The following KMT2C variants were observed in gnomAD, a reference collection of about 807,000 sequenced individuals.
KMT2C encodes histone-lysine N-methyltransferase 2C.
KMT2C carries 88 observed loss-of-function variants against 507.9 expected under a neutral mutation model. The ratio of observed to expected loss-of-function variants is 0.17; its 90% CI spans 0.15 to 0.21. The LOEUF (loss-of-function observed/expected upper bound fraction) is 0.21. Ranked by LOEUF, KMT2C falls within the 10% of genes least tolerant of loss-of-function variation. KMT2C has a pLI of 1.00. For missense variants in KMT2C, 4,954 were observed against 5,957.8 expected (o/e 0.83, Z 5.55); for synonymous variants, 2,049 against 2,080.8 (o/e 0.98, Z 0.42).
At chr7:152,295,224 T>C (rs1339963439) in intron 6 of KMT2C, among the ~76,000 whole-genome samples, 1 of 152,242 alleles carries the variant, frequency 6.6e-6, no homozygotes, top group African/African-American at 2.4e-5. Flanking sequence ...AATATGTTTG[T>C]CTTCAAGTAA....
rs1195125465 is a variant in KMT2C at position 152,391,142 on chromosome 7, C to CAA, written c.162-32469_162-32468dup. Among the ~76,000 whole-genome samples the CAA allele has an allele frequency of 6.0e-3, 209 of 34,724 alleles. 34 individuals carry two copies. Among genetic ancestry groups the CAA allele is most frequent in the African/African-American group, 0.014 (134 of 9,506 alleles). 22.8% of individuals were successfully genotyped at this position (34,724 alleles called of 152,430 possible). A position where few individuals can be genotyped will look rare whatever the true frequency, so the allele number is the denominator to read the frequency against. On this transcript the variant is annotated intron_variant, in intron 1 of 58. Transcript: ENST00000262189. ...CTGGGCGACAGAGTGAGACTGTCTCCAAAAAAAAAAAAAAAAAAAAAAAAA... is the reference window on the plus strand; with the variant it reads ...CTGGGCGACAGAGTGAGACTGTCTCCAAAAAAAAAAAAAAAAAAAAAAAAAAA...
intron 2 of KMT2C, among the ~76,000 whole-genome samples, chr7:152,335,833 G>A (rs932816201): frequency 6.6e-6 from 1 of 152,138 alleles, no homozygotes; most frequent in African/African-American, 2.4e-5. Flanking sequence ...TTGGCCAGTA[G>A]GTTTGCAGGT....
chr7:152,202,268 A>C (rs1462176174), intron 26 of KMT2C, among the ~76,000 whole-genome samples: 1 of 152,182 alleles, frequency 6.6e-6, no homozygotes, highest in Non-Finnish European at 1.5e-5. Flanking sequence ...AGGAATTTAC[A>C]ATTAGTTAGA....
At position 152,174,147 on chromosome 7, in the gene KMT2C, G is replaced by C. The variant is rs1172944883; in HGVS notation, c.9358C>G (p.Pro3120Ala). Residue 3120 changes from proline (P) to alanine (A), a missense_variant, in exon 39 of 59, where the codon CCA becomes GCA. This residue lies in a region of KMT2C where 1,689 missense variants were observed against 1,654.3 expected (regional missense o/e 1.02). Transcript: ENST00000262189. Reference protein sequence around the residue: ...VMAQNNLGMPPMVMSRFPFMG... With the variant: ...VMAQNNLGMPAMVMSRFPFMG... ...TCCACCTACCTGCTCATCACCATTGGTGGCATGCCCAGATTGTTTTGTGCC... is the reference window on the plus strand; with the variant it reads ...TCCACCTACCTGCTCATCACCATTGCTGGCATGCCCAGATTGTTTTGTGCC... 6.2e-7 allele frequency: 1 copy of C among 1,602,166 alleles called. No homozygotes were observed. The highest frequency in any genetic ancestry group is 8.5e-7 in the Non-Finnish European group (1 of 1,172,346).
At chr7:152,184,072 CAAAA>C (rs555445009) in intron 34 of KMT2C, among the ~76,000 whole-genome samples, 1 of 49,432 alleles carries the variant, frequency 2.0e-5, no homozygotes, top group Non-Finnish European at 3.8e-5. Context: ...AGCTCCATCT[CAAAA>C]AAAAAAAAAA....
In KMT2C at chr7:152,177,336, C is replaced by T. The variant is rs1452053695; in HGVS notation, c.8117G>A (p.Gly2706Glu). 2 of 1,614,108 alleles carry T rather than the reference C, an allele frequency of 1.2e-6. No individual in the cohort carries two copies. The highest frequency in any genetic ancestry group is 2.2e-5 in the East Asian group (1 of 44,882). The change falls in exon 38 of 59, where the codon GGG becomes GAG. Residue 2706 changes from glycine to glutamate, a missense_variant. Physicochemically the swap from Gly to Glu is moderately conservative, Grantham distance 98. Around this residue, in one of 29 missense-constraint regions of KMT2C, gnomAD observed 1,689 missense variants for 1,654.3 expected, o/e 1.02. Transcript: ENST00000262189. ...VKELDVKDLEGVEVKDLDDED... is the reference protein window; with the variant it reads ...VKELDVKDLEEVEVKDLDDED... Reference sequence around the variant, plus strand: ...ATCATCTAAGTCTTTGACTTCAACCCCCTCAAGGTCTTTAACATCCAGTTC... The same window carrying T: ...ATCATCTAAGTCTTTGACTTCAACCTCCTCAAGGTCTTTAACATCCAGTTC...
At chr7:152,419,259 G>A (rs1290617037) in intron 1 of KMT2C, among the ~76,000 whole-genome samples, 1 of 152,078 alleles carries the variant, frequency 6.6e-6, no homozygotes, top group African/African-American at 2.4e-5. Flanking sequence ...GCTGAGGCAG[G>A]AGAATCACTT....
intron 3 of KMT2C, among the ~76,000 whole-genome samples, chr7:152,326,331 A>G (rs1313718206): frequency 6.6e-6 from 1 of 152,196 alleles, no homozygotes; most frequent in East Asian, 1.9e-4. Flanking sequence ...TACTGCTATT[A>G]TGTCTGTGAT....
At chr7:152,188,516 C>A (rs1317823291) in intron 31 of KMT2C, among the ~76,000 whole-genome samples, 1 of 145,386 alleles carries the variant, frequency 6.9e-6, no homozygotes, top group Non-Finnish European at 1.5e-5. Context: ...TATTCTTTCT[C>A]TTCATTAAAA....
intron 51 of KMT2C, among the ~76,000 whole-genome samples, chr7:152,150,326 A>C (rs1454477917): frequency 6.6e-6 from 1 of 152,202 alleles, no homozygotes; most frequent in Non-Finnish European, 1.5e-5. Flanking sequence ...TTAAAATATT[A>C]AGATATTTAC....
chr7:152,212,226 G>T (rs2094471618), intron 23 of KMT2C, among the ~76,000 whole-genome samples: 1 of 152,128 alleles, frequency 6.6e-6, no homozygotes, highest in Non-Finnish European at 1.5e-5. Flanking sequence ...TCCAAGGAAG[G>T]GATGGTCAAA....
chr7:152,376,264 G>T (rs527563847), intron 1 of KMT2C, among the ~76,000 whole-genome samples: 5 of 152,030 alleles, frequency 3.3e-5, no homozygotes, highest in African/African-American at 1.2e-4. Context: ...CAACCATATT[G>T]AAATTAGGCC....
intron 1 of KMT2C, among the ~76,000 whole-genome samples, chr7:152,360,892 T>TA (rs1171889479): frequency 6.6e-6 from 1 of 151,798 alleles, no homozygotes; most frequent in Admixed American, 6.6e-5. Flanking sequence ...TAAATGGTTT[T>TA]ATAATTAAAC....
rs2129094129 is a variant in KMT2C at position 152,146,802 on chromosome 7, G to A, written c.13895-67C>T. 5 of 1,356,738 alleles carry A rather than the reference G, an allele frequency of 3.7e-6. No individual in the cohort carries two copies. In the Middle Eastern group the frequency reaches 5.5e-4, roughly 150 times the overall value. The allele number at this position is 1,356,738 out of a possible 1,614,324, so 84.0% of individuals were successfully genotyped here. A position where few individuals can be genotyped will look rare whatever the true frequency, so the allele number is the denominator to read the frequency against. Reference sequence around the variant, plus strand: ...ACAGTATAAAAAACAAGAGCAAAATGAAGAATAACCACTCACAAGGATTTA... The same window carrying A: ...ACAGTATAAAAAACAAGAGCAAAATAAAGAATAACCACTCACAAGGATTTA... On this transcript the variant is annotated intron_variant, in intron 52 of 58. Coordinates refer to ENST00000262189, the MANE Select transcript of KMT2C (RefSeq NM_170606.3).
chr7:152,162,520 T>C lies in KMT2C; in HGVS notation c.11057A>G (p.Asn3686Ser), dbSNP rs1424689396. The change falls in exon 43 of 59, where the codon AAT becomes AGT. Residue 3686 changes from asparagine to serine, a missense_variant. By Grantham distance (46) the Asn-to-Ser change is conservative. Around this residue, in one of 29 missense-constraint regions of KMT2C, gnomAD observed 801 missense variants for 751.2 expected, o/e 1.07. Transcript: ENST00000262189. ...TGGAGTTGCTTGTGAGAAATCACTA[T>C]TGGGCAGTTTGTTCTCTAATTCTGT... ...LCTELENKLP[N>S]SDFSQATPNQ... 1.2e-6 allele frequency: 2 copies of C among 1,614,242 alleles called. No homozygotes were observed. Among genetic ancestry groups the C allele is most frequent in the Middle Eastern group, 1.6e-4 (1 of 6,062 alleles).
intron 23 of KMT2C, among the ~76,000 whole-genome samples, chr7:152,214,113 T>C (rs2094516826): frequency 6.6e-6 from 1 of 151,904 alleles, no homozygotes; most frequent in Non-Finnish European, 1.5e-5. Flanking sequence ...TTGTACATGG[T>C]TGATAGGAAT....
chr7:152,205,424 C>T (rs766093870), intron 24 of KMT2C, among the ~76,000 whole-genome samples, 199 bp from the exon 25 acceptor site: 34 of 147,062 alleles, frequency 2.3e-4, no homozygotes, highest in Non-Finnish European at 4.0e-4. Context: ...GGCAAAGCCA[C>T]TCTTATCACT....
At chr7:152,261,595 G>T (rs73730011) in intron 9 of KMT2C, among the ~76,000 whole-genome samples, 1 of 151,908 alleles carries the variant, frequency 6.6e-6, no homozygotes, top group South Asian at 2.1e-4. Flanking sequence ...TTAAAAAAAA[G>T]ATAAAGATAT....
Position 152,335,916 on chromosome 7 carries a change from G to GTT in KMT2C, c.251-5179_251-5178dup, listed in dbSNP as rs71533560. On this transcript the variant is annotated intron_variant, in intron 2 of 58. Coordinates refer to ENST00000262189, the MANE Select transcript of KMT2C (RefSeq NM_170606.3). ...CAGATTCAGACTATAGGGTTTTTTT[G>GTT]TTTTTTTTTTGTTTTTTAAGAAATA... Among the ~76,000 whole-genome samples the GTT allele has an allele frequency of 7.0e-4, 103 of 147,620 alleles. 1 individual carries two copies. Among genetic ancestry groups the GTT allele is most frequent in the East Asian group, 4.2e-3 (21 of 5,052 alleles).
Sources: gnomAD v4.1 joint callset for allele counts (sites outside exome capture counted in the v4.1 genomes callset) on GRCh38, gnomAD v4.1.1 for gene constraint, gnomAD v4.1.1 regional missense constraint, MANE v1.5 for transcripts, NCBI Gene and HGNC (gene_info 2026-07-23, HGNC 2026-07-21) for gene names.